Variants in CMTR1 observed in about 807,000 individuals in gnomAD.
CMTR1 encodes the protein cap-specific mRNA (nucleoside-2'-O-)-methyltransferase 1.
In CMTR1, 39 loss-of-function variants were observed where a neutral mutation model predicts 107.0. That is an observed-to-expected ratio of 0.36 (90% CI 0.28 to 0.48). The LOEUF (loss-of-function observed/expected upper bound fraction) is 0.48. Ranked by LOEUF, CMTR1 falls within the 20% of genes least tolerant of loss-of-function variation. The pLI, the probability that CMTR1 is intolerant of heterozygous loss-of-function variation, is 0.99. For missense variants in CMTR1, 672 were observed against 1,064.9 expected (o/e 0.63, Z 5.14); for synonymous variants, 366 against 379.5 (o/e 0.96, Z 0.41).
intron 6 of CMTR1, 76 bp from the exon 7 acceptor site, chr6:37,452,971 T>G: frequency 1.8e-5 from 23 of 1,262,488 alleles, no homozygotes; most frequent in Middle Eastern, 2.6e-4. Flanking sequence ...TGGAGGGCTG[T>G]GAGTTGGGCA....
intron 13 of CMTR1, among the ~76,000 whole-genome samples, 154 bp from the exon 14 acceptor site, chr6:37,470,867 G>A (rs1239660640): frequency 6.6e-6 from 1 of 152,182 alleles, no homozygotes; most frequent in Non-Finnish European, 1.5e-5. Flanking sequence ...CCACATAACT[G>A]CACTGTGGGG....
At chr6:37,428,577 C>T (rs1425286731), upstream of CMTR1, among the ~76,000 whole-genome samples, 1 of 152,144 alleles carries the variant, frequency 6.6e-6, no homozygotes, top group African/African-American at 2.4e-5. Context: ...CCTGCCTCAG[C>T]CTCCTGAGTA....
At chr6:37,426,032 C>T in the CMTR1 span, among the ~76,000 whole-genome samples, 1 of 152,130 alleles carries the variant, frequency 6.6e-6, no homozygotes, top group African/African-American at 2.4e-5. Flanking sequence ...AGGTTCACTA[C>T]TTTTTTCTTC....
Position 37,463,108 on chromosome 6 carries a change from C to T in CMTR1, c.1505+100C>T, listed in dbSNP as rs1761435656. The T allele has an allele frequency of 2.3e-6, 3 of 1,278,888 alleles. No individual in the cohort carries two copies. The African/African-American group carries it at 4.4e-5, about 19-fold the overall frequency. The allele number at this position is 1,278,888 out of a possible 1,614,324, so 79.2% of individuals were successfully genotyped here. On this transcript the variant is annotated intron_variant, in intron 13 of 23. Transcript: ENST00000373451. ...TGGCTCTTGGTATCACTTTGTCAAC[C>T]CTGACAAATTGGCAACTGGGTTTGG... is the stretch of plus-strand genomic sequence containing the variant.
In CMTR1 at chr6:37,481,419, C is replaced by T. The variant is rs997846273; in HGVS notation, c.*1274C>T. On this transcript the variant is annotated 3_prime_UTR_variant, in exon 24 of 24. Transcript: ENST00000373451. ...CTCCCCACCCCCAGGCTGGCAGTAG[C>T]ACTGCTGAGATGCTGTATTTCCACC... The T allele has an allele frequency of 5.1e-6, 6 of 1,183,152 alleles. No homozygotes were observed. In the African/African-American group the frequency reaches 9.6e-5, roughly 19 times the overall value. 73.3% of individuals were successfully genotyped at this position (1,183,152 alleles called of 1,614,324 possible).
chr6:37,454,595 A>G (rs1761251979), intron 8 of CMTR1, among the ~76,000 whole-genome samples: 2 of 152,068 alleles, frequency 1.3e-5, no homozygotes, highest in Non-Finnish European at 2.9e-5. Context: ...GTATCTGGTT[A>G]TTGCCTTTTG....
chr6:37,439,186 C>A (rs1771611004), intron 2 of CMTR1, among the ~76,000 whole-genome samples: 1 of 152,206 alleles, frequency 6.6e-6, no homozygotes, highest in South Asian at 2.1e-4. Flanking sequence ...ATGTTGTTGT[C>A]ATGGCCACTG....
rs764941451 is a variant in CMTR1 at position 37,478,397 on chromosome 6, C to CG, written c.2154-8dup. ...TTTCTCTCTCATGCACGTACCTTCTCGGGGAAATCAGGTTGGAGATGAAGA... is the reference window on the plus strand; with the variant it reads ...TTTCTCTCTCATGCACGTACCTTCTCGGGGGAAATCAGGTTGGAGATGAAGA... On this transcript the variant is annotated splice_polypyrimidine_tract_variant and intron_variant, in intron 21 of 23. Coordinates refer to ENST00000373451, the MANE Select transcript of CMTR1 (RefSeq NM_015050.3). The CG allele has an allele frequency of 3.1e-6, 5 of 1,608,268 alleles. No homozygotes were observed. In the South Asian group the frequency reaches 5.5e-5, roughly 18 times the overall value.
At chr6:37,435,498 CT>C in intron 1 of CMTR1, 125 bp from the exon 2 acceptor site, 1 of 981,054 alleles carries the variant, frequency 1.0e-6, no homozygotes, top group Non-Finnish European at 1.5e-6. Flanking sequence ...TATTCAAGTG[CT>C]GGCACTGGAA....
chr6:37,476,493 T>C (rs1212396910), intron 20 of CMTR1, among the ~76,000 whole-genome samples: 1 of 152,194 alleles, frequency 6.6e-6, no homozygotes, highest in African/African-American at 2.4e-5. Flanking sequence ...ACTTGAGCAT[T>C]GTTAGCACAT....
chr6:37,461,702 C>A, intron 11 of CMTR1, 57 bp downstream of exon 11: 2 of 1,175,946 alleles, frequency 1.7e-6, no homozygotes, highest in South Asian at 1.4e-5. Flanking sequence ...CCCTATTGGA[C>A]AAGAACATGT....
intron 21 of CMTR1, among the ~76,000 whole-genome samples, chr6:37,478,063 T>C (rs1424836750): frequency 6.6e-6 from 1 of 152,192 alleles, no homozygotes; most frequent in African/African-American, 2.4e-5. Context: ...TCAGTCTCCT[T>C]CTGGGTGTGC....
intron 20 of CMTR1, among the ~76,000 whole-genome samples, chr6:37,477,153 T>C (rs1405823388): frequency 2.6e-5 from 4 of 152,218 alleles, no homozygotes; most frequent in African/African-American, 7.2e-5. Flanking sequence ...GTAATAGGAC[T>C]ATTAGGACTG....
chr6:37,429,163 C>T (rs1474070870), upstream of CMTR1, among the ~76,000 whole-genome samples: 1 of 152,034 alleles, frequency 6.6e-6, no homozygotes, highest in East Asian at 1.9e-4. Flanking sequence ...TGGCTTCCTC[C>T]ACCCCCATCA....
chr6:37,436,062 T>C (rs1387679353), intron 2 of CMTR1, among the ~76,000 whole-genome samples: 5 of 152,182 alleles, frequency 3.3e-5, no homozygotes, highest in Non-Finnish European at 7.3e-5. Context: ...TGGTGAGCAT[T>C]GAGTGCTGTG....
intron 18 of CMTR1, 49 bp downstream of exon 18, chr6:37,474,695 G>C (rs1761702091): frequency 3.7e-6 from 6 of 1,604,366 alleles, no homozygotes; most frequent in Non-Finnish European, 5.1e-6. Context: ...AGGGGACTAG[G>C]GGGCTGCTGA....
At chr6:37,424,030 T>C in the CMTR1 span, among the ~76,000 whole-genome samples, 1 of 152,182 alleles carries the variant, frequency 6.6e-6, no homozygotes, top group African/African-American at 2.4e-5. Flanking sequence ...ACCCACCATT[T>C]TGATCATGCC....
chr6:37,480,765 C>T lies in CMTR1; in HGVS notation c.*620C>T. On this transcript the variant is annotated 3_prime_UTR_variant, in exon 24 of 24. Transcript: ENST00000373451. The stretch of plus-strand genomic sequence containing the variant: ...CTAGCCCAGAGCTCTGACAGTCCAG[C>T]AGGGTGGGAAGGAGGGAGTTTGGGC... The T allele has an allele frequency of 9.2e-7, 1 of 1,083,336 alleles. No homozygotes were observed. The highest frequency in any genetic ancestry group is 1.7e-5 in the African/African-American group (1 of 59,286). The allele number at this position is 1,083,336 out of a possible 1,614,324, so 67.1% of individuals were successfully genotyped here. A position where few individuals can be genotyped will look rare whatever the true frequency, so the allele number is the denominator to read the frequency against.
At chr6:37,470,152 C>CT (rs1191018987) in intron 13 of CMTR1, among the ~76,000 whole-genome samples, 196 of 145,094 alleles carry the variant, frequency 1.4e-3, no homozygotes, top group East Asian at 4.0e-3. Flanking sequence ...GTCATTCACC[C>CT]TTTTTTTTTT....
Sources: gnomAD v4.1 joint callset for allele counts (sites outside exome capture counted in the v4.1 genomes callset) on GRCh38, gnomAD v4.1.1 for gene constraint, MANE v1.5 for transcripts, NCBI Gene and HGNC (gene_info 2026-07-23, HGNC 2026-07-21) for gene names.